ZNF609: variants seen among roughly 807,000 people sequenced by gnomAD.
ZNF609 encodes the protein zinc finger protein 609.
A neutral mutation model predicts 109.5 loss-of-function variants in ZNF609; 11 were observed. That is an observed-to-expected ratio of 0.10 (90% confidence interval 0.06 to 0.17). The LOEUF (loss-of-function observed/expected upper bound fraction) is 0.17. ZNF609 is among the 10% of genes least tolerant of loss of function. The pLI is 1.00. For synonymous variants in ZNF609, 646 were observed against 662.0 expected (o/e 0.98, Z 0.37); for missense variants, 1,559 against 1,772.4 (o/e 0.88, Z 2.16).
chr15:64,643,263 G>T (rs548070522), intron 3 of ZNF609, among the ~76,000 whole-genome samples: 3 of 152,126 alleles, frequency 2.0e-5, no homozygotes, highest in Non-Finnish European at 4.4e-5. Context: ...TGCTGCAGGC[G>T]TGAGCCACCA....
Position 64,474,270 on chromosome 15 carries a change from A to G in ZNF609, c.-128+13432A>G, listed in dbSNP as rs922018818. Among the ~76,000 whole-genome samples, 58 of 144,334 alleles carry G rather than the reference A, an allele frequency of 4.0e-4. 1 individual carries two copies. Among genetic ancestry groups the G allele is most frequent in the African/African-American group, 1.2e-3 (48 of 38,980 alleles). The allele number at this position is 144,334 out of a possible 152,430, so 94.7% of individuals were successfully genotyped here. On this transcript the variant is annotated intron_variant, in intron 1 of 9. Transcript: ENST00000326648. ...CTCTTGTTGCCCAGGCTGGAGTGCA[A>G]TGGCACAATCTCGGCTCACTGCAAC... is the stretch of plus-strand genomic sequence containing the variant.
At chr15:64,653,667 A>T (rs566768117) in intron 3 of ZNF609, among the ~76,000 whole-genome samples, 1 of 151,964 alleles carries the variant, frequency 6.6e-6, no homozygotes, top group South Asian at 2.1e-4. Context: ...AATAAATAAA[A>T]AATAAACTTC....
intron 2 of ZNF609, among the ~76,000 whole-genome samples, chr15:64,507,891 A>G (rs965174461): frequency 9.2e-5 from 14 of 152,324 alleles, no homozygotes; most frequent in Middle Eastern, 3.4e-3. Context: ...ATATTTTAAA[A>G]TATATTTCTC....
intron 1 of ZNF609, among the ~76,000 whole-genome samples, chr15:64,463,271 G>A (rs950146260): frequency 2.6e-5 from 4 of 151,974 alleles, no homozygotes; most frequent in Admixed American, 1.3e-4. Flanking sequence ...AGTGGCATAC[G>A]CCTGTGGTCC....
intron 3 of ZNF609, among the ~76,000 whole-genome samples, chr15:64,624,199 G>A (rs970523085): frequency 4.6e-5 from 7 of 152,146 alleles, no homozygotes; most frequent in Admixed American, 1.3e-4. Context: ...TCAGAATAAC[G>A]TCGCTAATGA....
chr15:64,540,726 G>C (rs972623407), intron 2 of ZNF609, among the ~76,000 whole-genome samples: 4 of 150,738 alleles, frequency 2.7e-5, no homozygotes, highest in Non-Finnish European at 4.4e-5. Context: ...TTAAAATGTA[G>C]ATTAAAAAAA....
chr15:64,638,034 C>CAA (rs1896201933), intron 3 of ZNF609, among the ~76,000 whole-genome samples: 1 of 133,934 alleles, frequency 7.5e-6, no homozygotes, highest in Non-Finnish European at 1.6e-5. Flanking sequence ...TATAAAAATA[C>CAA]ATATATATAT....
At chr15:64,636,423 A>G (rs951363873) in intron 3 of ZNF609, among the ~76,000 whole-genome samples, 1 of 152,214 alleles carries the variant, frequency 6.6e-6, no homozygotes, top group Non-Finnish European at 1.5e-5. Context: ...AAGCAGCCCA[A>G]AAGACTGCTG....
At chr15:64,671,691 A>G (rs949520461) in intron 4 of ZNF609, among the ~76,000 whole-genome samples, 1 of 152,178 alleles carries the variant, frequency 6.6e-6, no homozygotes, top group African/African-American at 2.4e-5. Flanking sequence ...GTAACTTGCA[A>G]CTAACATACA....
chr15:64,507,141 G>A (rs1358425732), intron 2 of ZNF609, among the ~76,000 whole-genome samples: 1 of 152,116 alleles, frequency 6.6e-6, no homozygotes, highest in Non-Finnish European at 1.5e-5. Context: ...CCTGGCATGG[G>A]GTTGGGTATG....
chr15:64,594,650 G>T (rs1211525399), intron 2 of ZNF609, among the ~76,000 whole-genome samples: 1 of 151,868 alleles, frequency 6.6e-6, no homozygotes, highest in East Asian at 2.0e-4. Flanking sequence ...AAAATGTAAA[G>T]ATTTTGAGGG....
intron 1 of ZNF609, among the ~76,000 whole-genome samples, chr15:64,481,897 G>C (rs1190667849): frequency 6.6e-6 from 1 of 152,116 alleles, no homozygotes; most frequent in Admixed American, 6.6e-5. Context: ...TGATTCTCCT[G>C]CCTCAGCCTC....
At chr15:64,639,185 G>A (rs1363407651) in intron 3 of ZNF609, among the ~76,000 whole-genome samples, 3 of 152,118 alleles carry the variant, frequency 2.0e-5, no homozygotes, top group Middle Eastern at 3.2e-3. Context: ...CATCACCACT[G>A]TTCTCCACCA....
chr15:64,528,488 T>C (rs1252011811), intron 2 of ZNF609, among the ~76,000 whole-genome samples: 1 of 151,992 alleles, frequency 6.6e-6, no homozygotes, highest in Admixed American at 6.6e-5. Context: ...CAAGGCACTT[T>C]ATTGATGGTA....
chr15:64,472,920 G>T (rs547987415), intron 1 of ZNF609, among the ~76,000 whole-genome samples: 1 of 152,210 alleles, frequency 6.6e-6, no homozygotes, highest in Admixed American at 6.6e-5. Flanking sequence ...TCGGTGTAAA[G>T]CTCAGCATTT....
intron 3 of ZNF609, among the ~76,000 whole-genome samples, chr15:64,630,086 A>ATTTTT (rs1453452524): frequency 7.7e-6 from 1 of 129,528 alleles, no homozygotes; most frequent in Admixed American, 7.3e-5. Context: ...CATCCTCCTA[A>ATTTTT]TTTTCTTTTT....
chr15:64,619,045 C>T (rs1895842047), intron 2 of ZNF609, among the ~76,000 whole-genome samples: 1 of 152,180 alleles, frequency 6.6e-6, no homozygotes, highest in Non-Finnish European at 1.5e-5. Context: ...CCTTCTGTAT[C>T]ATTTAAAGGG....
At position 64,661,107 on chromosome 15, in the gene ZNF609, G is replaced by A. The variant is rs145059665; in HGVS notation, c.974-9239G>A. 9.1e-3 allele frequency among the ~76,000 whole-genome samples: 1,389 copies of A among 152,092 alleles called. 21 individuals carry two copies. The highest frequency in any genetic ancestry group is 0.031 in the African/African-American group (1,278 of 41,480). Reference sequence around the variant, plus strand: ...CTCCCAAGTAGCTGGGACTACAGGCGTGTGCCACCATGTCTGGCTAATTTT... The same window carrying A: ...CTCCCAAGTAGCTGGGACTACAGGCATGTGCCACCATGTCTGGCTAATTTT... On this transcript the variant is annotated intron_variant, in intron 3 of 9. Coordinates refer to ENST00000326648, the MANE Select transcript of ZNF609 (RefSeq NM_015042.2).
Position 64,659,733 on chromosome 15 carries a change from A to G in ZNF609, c.974-10613A>G, listed in dbSNP as rs145853393. ...CCCTGAGTCATCAAGAAAATTTTAA[A>G]ATACGCTCTGTATATGGGAAGTCCC... On this transcript the variant is annotated intron_variant, in intron 3 of 9. Transcript: ENST00000326648. 9.8e-5 allele frequency among the ~76,000 whole-genome samples: 15 copies of G among 152,318 alleles called. No individual in the cohort carries two copies. The East Asian group carries it at 2.5e-3, about 25-fold the overall frequency.
Sources: allele counts gnomAD v4.1 joint callset (sites outside exome capture counted in the v4.1 genomes callset), GRCh38; gene constraint gnomAD v4.1.1; transcripts MANE v1.5; gene names NCBI Gene and HGNC (gene_info 2026-07-23, HGNC 2026-07-21).